Variants in XXYLT1 observed in about 807,000 individuals in gnomAD.
The protein encoded by XXYLT1 is xyloside xylosyltransferase 1, also known as UDP-xylose:alpha-xyloside alpha-1,3-xylosyltransferase.
XXYLT1 carries 20 observed loss-of-function variants against 28.9 expected under a neutral mutation model. That is an observed-to-expected ratio of 0.69 (90% CI 0.49 to 1.00). XXYLT1 has a LOEUF of 1.00. XXYLT1 is among the 50% of genes least tolerant of loss of function. XXYLT1 has a pLI of 0.00. For synonymous variants in XXYLT1, 257 were observed against 253.8 expected (o/e 1.01, Z -0.12); for missense variants, 542 against 560.1 (o/e 0.97, Z 0.33).
rs531158965 is a variant in XXYLT1, at chr3:195,133,903, G to A, written c.785+22546C>T. Among the ~76,000 whole-genome samples the A allele has an allele frequency of 1.4e-4, 22 of 152,270 alleles. No individual in the cohort carries two copies. The highest frequency in any genetic ancestry group is 4.8e-4 in the African/African-American group (20 of 41,552). ...AAATGGAAAAAAGCTTACAGAATAA[G>A]GATAAAAAGAAAAAGTATTTACTTT... is the stretch of plus-strand genomic sequence containing the variant. On this transcript the variant is annotated intron_variant, in intron 3 of 3. Coordinates refer to ENST00000310380, the MANE Select transcript of XXYLT1 (RefSeq NM_152531.5). The surrounding 1 kb of genome is among the most constrained non-coding windows in gnomAD (Gnocchi z 4.4).
chr3:195,101,473 T>C (rs1716769075), intron 3 of XXYLT1, among the ~76,000 whole-genome samples: 1 of 152,248 alleles, frequency 6.6e-6, no homozygotes, highest in Non-Finnish European at 1.5e-5. Context: ...TGCACACAAC[T>C]GCTATCACTT....
intron 1 of XXYLT1, among the ~76,000 whole-genome samples, chr3:195,236,904 T>C (rs1020798983): frequency 6.6e-6 from 1 of 152,114 alleles, no homozygotes; most frequent in Non-Finnish European, 1.5e-5. Context: ...ATCTAGGGCA[T>C]GGAATGGGGG....
intron 2 of XXYLT1, among the ~76,000 whole-genome samples, chr3:195,208,473 G>T (rs1292324741): frequency 6.6e-6 from 1 of 151,526 alleles, no homozygotes; most frequent in Non-Finnish European, 1.5e-5. Flanking sequence ...TGGCTGACTG[G>T]ACCAACCACA....
At chr3:195,193,218 G>A (rs1252297288) in intron 2 of XXYLT1, among the ~76,000 whole-genome samples, 3 of 151,606 alleles carry the variant, frequency 2.0e-5, no homozygotes, top group African/African-American at 7.3e-5. Flanking sequence ...AACCCGGGAG[G>A]TGGAGGATGC....
intron 2 of XXYLT1, among the ~76,000 whole-genome samples, chr3:195,189,523 G>A (rs1259104892): frequency 6.6e-6 from 1 of 152,228 alleles, no homozygotes; most frequent in African/African-American, 2.4e-5. Flanking sequence ...GCATTCAGAT[G>A]TTGGATTTAG....
chr3:195,144,838 G>A (rs1450584477), intron 3 of XXYLT1, among the ~76,000 whole-genome samples: 6 of 152,140 alleles, frequency 3.9e-5, no homozygotes, highest in South Asian at 2.1e-4. Flanking sequence ...AAAGTGGCCC[G>A]CAAGACCAAG....
chr3:195,254,856 C>T (rs1043771936), intron 1 of XXYLT1, among the ~76,000 whole-genome samples: 1 of 152,214 alleles, frequency 6.6e-6, no homozygotes, highest in African/African-American at 2.4e-5. Context: ...GGTGATAGGA[C>T]TGGGCCCCTG....
intron 3 of XXYLT1, among the ~76,000 whole-genome samples, chr3:195,072,770 C>T (rs1202934595): frequency 6.6e-6 from 1 of 152,158 alleles, no homozygotes; most frequent in Non-Finnish European, 1.5e-5. Context: ...TTCAAGGCGT[C>T]CCTACTATCC....
chr3:195,270,302 T>G (rs1725975936), intron 1 of XXYLT1: 2 of 880,050 alleles, frequency 2.3e-6, no homozygotes, highest in East Asian at 6.3e-5. Flanking sequence ...GGGGCTGCGC[T>G]TAACTGGGGG....
intron 1 of XXYLT1, among the ~76,000 whole-genome samples, chr3:195,246,820 T>C (rs1351458224): frequency 6.6e-6 from 1 of 152,140 alleles, no homozygotes; most frequent in African/African-American, 2.4e-5. Flanking sequence ...AAATCCAGGA[T>C]TTCTTTAACA....
At chr3:195,238,444 A>C (rs908637660) in intron 1 of XXYLT1, among the ~76,000 whole-genome samples, 9 of 152,100 alleles carry the variant, frequency 5.9e-5, no homozygotes, top group African/African-American at 1.2e-4. Flanking sequence ...TATCGGCTGC[A>C]TGGGGCACTC....
chr3:195,077,022 G>A lies in XXYLT1; in HGVS notation c.786-6911C>T, dbSNP rs1329993679. ...AGCACTCTCCAGCAATGAAGATGGA[G>A]AAAAACACCACAGCTCACTGGTACC... On this transcript the variant is annotated intron_variant, in intron 3 of 3. Transcript: ENST00000310380. The surrounding 1 kb of genome is among the most constrained non-coding windows in gnomAD (Gnocchi z 4.8). 6.6e-6 allele frequency among the ~76,000 whole-genome samples: 1 copy of A among 152,226 alleles called. No individual in the cohort carries two copies. The highest frequency in any genetic ancestry group is 1.5e-5 in the Non-Finnish European group (1 of 68,044).
chr3:195,186,334 A>G (rs1413032374), intron 2 of XXYLT1, among the ~76,000 whole-genome samples: 1 of 152,190 alleles, frequency 6.6e-6, no homozygotes, highest in South Asian at 2.1e-4. Context: ...ATATTACTCC[A>G]TTGGTTAAAA....
chr3:195,125,684 G>A (rs28573813), intron 3 of XXYLT1, among the ~76,000 whole-genome samples: 57,386 of 152,164 alleles, frequency 0.38, 12,458 homozygotes, highest in East Asian at 0.82. Flanking sequence ...AAGCGAAGAA[G>A]CCATATTGAT....
Position 195,070,077 on chromosome 3 carries a change from G to A in XXYLT1, c.820C>T (p.Gln274Ter), listed in dbSNP as rs1337507734. 4 of 1,586,440 alleles carry A rather than the reference G, an allele frequency of 2.5e-6. No individual in the cohort carries two copies. The highest frequency in any genetic ancestry group is 1.1e-5 in the South Asian group (1 of 89,098). The part of the protein sequence containing the change: ...TFWQFRHENP[Q>*]TRVGGPPPEG... ...GGGGGCGGGCCCCCAACCCGGGTCT[G>A]GGGGTTCTCATGGCGGAACTGCCAG... is the stretch of plus-strand genomic sequence containing the variant. Residue 274 changes from glutamine (Q) to a stop codon, truncating the protein, a stop_gained, in exon 4 of 4, where the codon CAG becomes TAG. Transcript: ENST00000310380. LOFTEE classifies it high-confidence loss of function.
intron 2 of XXYLT1, among the ~76,000 whole-genome samples, chr3:195,174,733 C>T (rs2108724220): frequency 7.0e-6 from 1 of 143,438 alleles, no homozygotes; most frequent in East Asian, 2.2e-4. Flanking sequence ...TCCTTCTCCT[C>T]CTCCCCTTGG....
At chr3:195,083,835 G>A (rs938427798) in intron 3 of XXYLT1, among the ~76,000 whole-genome samples, 10 of 152,050 alleles carry the variant, frequency 6.6e-5, no homozygotes, top group African/African-American at 2.4e-4. Context: ...AGACCAGCCC[G>A]GCCAACACAG....
At chr3:195,154,313 T>C (rs2108678882) in intron 3 of XXYLT1, among the ~76,000 whole-genome samples, 1 of 152,234 alleles carries the variant, frequency 6.6e-6, no homozygotes, top group South Asian at 2.1e-4. Context: ...GGCTCAAGCA[T>C]GTGCACTAGG....
chr3:195,109,843 G>A lies in XXYLT1; in HGVS notation c.786-39732C>T, dbSNP rs1275623261. Reference sequence around the variant, plus strand: ...GTGGTGTATGAGTGTGCGTGTGTGTGGTGTATGTGTGCCTGTGTGTGTGGT... The same window carrying A: ...GTGGTGTATGAGTGTGCGTGTGTGTAGTGTATGTGTGCCTGTGTGTGTGGT... On this transcript the variant is annotated intron_variant, in intron 3 of 3. Transcript: ENST00000310380. Among the ~76,000 whole-genome samples the A allele has an allele frequency of 1.8e-4, 8 of 45,488 alleles. 1 individual carries two copies. The highest frequency in any genetic ancestry group is 6.4e-4 in the African/African-American group (8 of 12,478). The allele number at this position is 45,488 out of a possible 152,430, so 29.8% of individuals were successfully genotyped here. A position where few individuals can be genotyped will look rare whatever the true frequency, so the allele number is the denominator to read the frequency against.
Sources: allele counts gnomAD v4.1 joint callset (sites outside exome capture counted in the v4.1 genomes callset), GRCh38; gene constraint gnomAD v4.1.1; non-coding constraint Gnocchi (gnomAD v3.1); transcripts MANE v1.5; gene names NCBI Gene and HGNC (gene_info 2026-07-23, HGNC 2026-07-21).